The following UBA6 variants were observed in gnomAD, a reference collection of about 807,000 sequenced individuals.
The protein encoded by UBA6 is ubiquitin-like modifier-activating enzyme 6.
In UBA6, 87 loss-of-function variants were observed where a neutral mutation model predicts 148.3. The ratio of observed to expected loss-of-function variants is 0.59; its 90% CI spans 0.49 to 0.70. The LOEUF (loss-of-function observed/expected upper bound fraction) is 0.70. Ranked by LOEUF, UBA6 falls within the 30% of genes least tolerant of loss-of-function variation. The probability of loss-of-function intolerance (pLI) is 0.00; values close to 1 mark genes in which losing one functional copy is unlikely to be tolerated. For missense variants in UBA6, 1,186 were observed against 1,241.2 expected (o/e 0.96, Z 0.67); for synonymous variants, 376 against 401.0 (o/e 0.94, Z 0.75).
intron 4 of UBA6, 104 bp from the exon 5 acceptor site, chr4:67,678,637 A>C (rs934901321): frequency 4.0e-6 from 2 of 503,650 alleles, no homozygotes; most frequent in Admixed American, 7.5e-5. Flanking sequence ...GTGTAATTAG[A>C]CAATGAAAAG....
chr4:67,672,522 T>C (rs1577828826), intron 7 of UBA6, among the ~76,000 whole-genome samples: 1 of 152,192 alleles, frequency 6.6e-6, no homozygotes, highest in Non-Finnish European at 1.5e-5. Context: ...CAAGCCATAG[T>C]GATCCTTTAA....
chr4:67,690,717 A>G (rs1002021425), intron 2 of UBA6, among the ~76,000 whole-genome samples: 1 of 152,122 alleles, frequency 6.6e-6, no homozygotes, highest in African/African-American at 2.4e-5. Context: ...ATCATCAAAT[A>G]CAAACCAAAA....
chr4:67,649,854 T>C (rs1394289404), intron 13 of UBA6, among the ~76,000 whole-genome samples: 1 of 152,206 alleles, frequency 6.6e-6, no homozygotes, highest in Non-Finnish European at 1.5e-5. Context: ...GTTTTCTTTC[T>C]CTTCTTATTC....
chr4:67,623,020 TA>T, intron 31 of UBA6, 95 bp from the exon 32 acceptor site: 2 of 1,354,554 alleles, frequency 1.5e-6, no homozygotes, highest in Non-Finnish European at 2.1e-6. Context: ...TTATGACCAG[TA>T]AAAAAAGCAA....
chr4:67,655,524 A>G lies in UBA6; in HGVS notation c.1105-6313T>C, dbSNP rs547480274. ...AAGACACAACATACCAGAATCTCTG[A>G]GACACATTCAAAGCAGTGTGTAGAG... On this transcript the variant is annotated intron_variant, in intron 13 of 32. Coordinates refer to ENST00000322244, the MANE Select transcript of UBA6 (RefSeq NM_018227.6). 6.3e-3 allele frequency among the ~76,000 whole-genome samples: 964 copies of G among 152,264 alleles called. 8 individuals carry two copies. The highest frequency in any genetic ancestry group is 0.021 in the Middle Eastern group (6 of 290).
At position 67,656,395 on chromosome 4, in the gene UBA6, T is replaced by C. The variant is rs200346923; in HGVS notation, c.1104+5794A>G. Among the ~76,000 whole-genome samples the C allele has an allele frequency of 1.8e-4, 28 of 152,324 alleles. 1 individual carries two copies. In the East Asian group the frequency reaches 5.4e-3, roughly 29 times the overall value. ...TTCAACATATGCAAATCAATAAATG[T>C]AATCTATCACATAAACAGAACCAAC... is the stretch of plus-strand genomic sequence containing the variant. On this transcript the variant is annotated intron_variant, in intron 13 of 32. Coordinates refer to ENST00000322244, the MANE Select transcript of UBA6 (RefSeq NM_018227.6).
At chr4:67,645,427 C>T (rs538126946) in intron 16 of UBA6, among the ~76,000 whole-genome samples, 1 of 152,076 alleles carries the variant, frequency 6.6e-6, no homozygotes, top group East Asian at 1.9e-4. Context: ...GGTGAAACTC[C>T]GTCTCTATTG....
chr4:67,661,802 GAT>G (rs1729864540), intron 13 of UBA6: 1 of 240,008 alleles, frequency 4.2e-6, no homozygotes, highest in Non-Finnish European at 7.9e-6. Context: ...GTGATAAAGA[GAT>G]ATGAATGTAT....
intron 17 of UBA6, among the ~76,000 whole-genome samples, chr4:67,643,326 T>C (rs543890165): frequency 3.3e-5 from 5 of 152,136 alleles, no homozygotes; most frequent in East Asian, 1.9e-4. Flanking sequence ...TTCTAGTGAA[T>C]AGTCATTTTT....
intron 8 of UBA6, among the ~76,000 whole-genome samples, chr4:67,669,822 AT>A (rs1730097033): frequency 6.6e-6 from 1 of 152,234 alleles, no homozygotes; most frequent in African/African-American, 2.4e-5. Context: ...TGCATCCACT[AT>A]CTAACACAAT....
intron 1 of UBA6, among the ~76,000 whole-genome samples, chr4:67,699,603 T>A (rs1027954899): frequency 3.9e-5 from 6 of 152,128 alleles, no homozygotes; most frequent in African/African-American, 1.4e-4. Context: ...AAAATTTGTT[T>A]CTTTTCTTTT....
At chr4:67,661,347 A>G (rs1255754927) in intron 13 of UBA6, among the ~76,000 whole-genome samples, 2 of 152,180 alleles carry the variant, frequency 1.3e-5, no homozygotes, top group African/African-American at 4.8e-5. Context: ...GGGCAGGACC[A>G]CGTGGAGGTA....
intron 9 of UBA6, among the ~76,000 whole-genome samples, chr4:67,666,983 G>GA: frequency 6.6e-6 from 1 of 151,734 alleles, no homozygotes; most frequent in Non-Finnish European, 1.5e-5. Context: ...AAATGTTAAG[G>GA]AAAAAAAAGC....
intron 13 of UBA6, among the ~76,000 whole-genome samples, chr4:67,659,978 C>A (rs1729809760): frequency 6.6e-6 from 1 of 152,122 alleles, no homozygotes; most frequent in African/African-American, 2.4e-5. Flanking sequence ...CCCTAGAGAT[C>A]TGTGGAAAGT....
intron 13 of UBA6, among the ~76,000 whole-genome samples, chr4:67,649,684 T>C (rs1729506689): frequency 6.6e-6 from 1 of 152,178 alleles, no homozygotes; most frequent in South Asian, 2.1e-4. Flanking sequence ...AAAACTGCAA[T>C]TAATAATAAC....
rs1729508939 is a variant in UBA6 at position 67,649,775 on chromosome 4, G to C, written c.1105-564C>G. On this transcript the variant is annotated intron_variant, in intron 13 of 32. Coordinates refer to ENST00000322244, the MANE Select transcript of UBA6 (RefSeq NM_018227.6). The stretch of plus-strand genomic sequence containing the variant: ...ACAGAACATTTTAAAGGAAATATTG[G>C]AAAACTGAATTTTAGATCTATTATT... Among the ~76,000 whole-genome samples the C allele has an allele frequency of 2.0e-5, 3 of 152,120 alleles. No homozygotes were observed. The South Asian group carries it at 6.2e-4, about 32-fold the overall frequency.
chr4:67,669,213 T>C (rs1276536068), intron 8 of UBA6, among the ~76,000 whole-genome samples: 2 of 152,206 alleles, frequency 1.3e-5, no homozygotes, highest in African/African-American at 4.8e-5. Flanking sequence ...ATACCATATT[T>C]TGGAATTTAT....
Position 67,678,760 on chromosome 4 carries a change from T to C in UBA6, c.259-227A>G, listed in dbSNP as rs547173342. ...AAATCCACAGTTTGACAACATAGTCTATTGGTGATGGTGAGGTGAATGAGC... is the reference window on the plus strand; with the variant it reads ...AAATCCACAGTTTGACAACATAGTCCATTGGTGATGGTGAGGTGAATGAGC... On this transcript the variant is annotated intron_variant, in intron 4 of 32. Coordinates refer to ENST00000322244, the MANE Select transcript of UBA6 (RefSeq NM_018227.6). Among the ~76,000 whole-genome samples, 9 of 152,324 alleles carry C rather than the reference T, an allele frequency of 5.9e-5. No homozygotes were observed. In the South Asian group the frequency reaches 8.3e-4, roughly 14 times the overall value.
At chr4:67,692,724 T>C (rs992437056) in intron 2 of UBA6, among the ~76,000 whole-genome samples, 2 of 152,024 alleles carry the variant, frequency 1.3e-5, no homozygotes, top group Non-Finnish European at 2.9e-5. Flanking sequence ...ACACAACATC[T>C]CAAATTCAGC....
Sources: allele counts gnomAD v4.1 joint callset (sites outside exome capture counted in the v4.1 genomes callset), GRCh38; gene constraint gnomAD v4.1.1; transcripts MANE v1.5; gene names NCBI Gene and HGNC (gene_info 2026-07-23, HGNC 2026-07-21).